The following PCSK5 variants were observed in gnomAD, a reference collection of about 807,000 sequenced individuals.
PCSK5 encodes proprotein convertase subtilisin/kexin type 5.
In PCSK5, 129 loss-of-function variants were observed where a neutral mutation model predicts 233.2. The observed-to-expected ratio is 0.55, with a 90% CI of 0.48 to 0.64. PCSK5 has a LOEUF of 0.64. Ranked by LOEUF, PCSK5 falls within the 30% of genes least tolerant of loss-of-function variation. PCSK5 has a pLI of 0.00. For missense variants in PCSK5, 2,076 were observed against 2,430.1 expected (o/e 0.85, Z 3.06); for synonymous variants, 825 against 879.2 (o/e 0.94, Z 1.09).
At chr9:76,284,530 T>C (rs566313379) in intron 24 of PCSK5, among the ~76,000 whole-genome samples, 2 of 137,592 alleles carry the variant, frequency 1.5e-5, no homozygotes, top group African/African-American at 5.5e-5. Flanking sequence ...TTTTTTTTTT[T>C]TTGTCTTTTT....
intron 3 of PCSK5, among the ~76,000 whole-genome samples, chr9:76,004,953 T>C (rs1326131253): frequency 1.3e-5 from 2 of 152,234 alleles, no homozygotes; most frequent in African/African-American, 2.4e-5. Context: ...TTGGTTCTTA[T>C]GTCCTTTTTC....
intron 24 of PCSK5, among the ~76,000 whole-genome samples, chr9:76,270,272 C>G (rs1352610209): frequency 1.3e-5 from 2 of 151,974 alleles, no homozygotes; most frequent in African/African-American, 4.8e-5. Context: ...TTCCTTTTTT[C>G]CAGCAATATA....
chr9:76,150,435 A>G (rs1351689691), intron 10 of PCSK5, among the ~76,000 whole-genome samples: 1 of 152,148 alleles, frequency 6.6e-6, no homozygotes, highest in African/African-American at 2.4e-5. Flanking sequence ...GGAGTTCGAG[A>G]CCAGCCTGGC....
chr9:76,192,712 G>GAAAC (rs3077114), intron 20 of PCSK5, among the ~76,000 whole-genome samples: 100,470 of 148,116 alleles, frequency 0.68, 33,487 homozygotes, highest in East Asian at 0.92. Context: ...CATAAGCATG[G>GAAAC]AAACAAAACA....
rs759555021 is a variant in PCSK5 at position 76,188,688 on chromosome 9, G to GTTCT, written c.2380+16_2380+19dup. 2.6e-5 allele frequency: 42 copies of GTTCT among 1,598,368 alleles called. No individual in the cohort carries two copies. The African/African-American group carries it at 5.2e-4, about 20-fold the overall frequency. ...GCCACTTGTGCTGGTACCTTCCCTA[G>GTTCT]TTCTTTTGTTTATTCTCCCGGTTCT... is the stretch of plus-strand genomic sequence containing the variant. On this transcript the variant is annotated intron_variant, in intron 18 of 37. Coordinates refer to ENST00000674117, the MANE Select transcript of PCSK5 (RefSeq NM_001372043.1).
In PCSK5 at chr9:76,180,441, G is replaced by C. The variant is rs368038335; in HGVS notation, c.2003+743G>C. ...ACATAGGCCATCAGTGTGGCAAAGG[G>C]GTTGGTCCTGCTTGATCTCACTCTT... On this transcript the variant is annotated intron_variant, in intron 15 of 37. Coordinates refer to ENST00000674117, the MANE Select transcript of PCSK5 (RefSeq NM_001372043.1). Among the ~76,000 whole-genome samples, 6 of 152,228 alleles carry C rather than the reference G, an allele frequency of 3.9e-5. No individual in the cohort carries two copies. In the East Asian group the frequency reaches 5.8e-4, roughly 15 times the overall value.
chr9:76,240,702 G>T lies in PCSK5; in HGVS notation c.3142+18G>T. On this transcript the variant is annotated intron_variant, in intron 24 of 37. Transcript: ENST00000674117. ...CAGCTTGGGTATGTCCTCTTCCTTT[G>T]TCACCTAAAGAGTTGAAATAGCTAA... 6.5e-7 allele frequency: 1 copy of T among 1,539,494 alleles called. No homozygotes were observed. Among genetic ancestry groups the T allele is most frequent in the Non-Finnish European group, 8.9e-7 (1 of 1,127,606 alleles).
chr9:75,913,294 A>G (rs1822830049), intron 1 of PCSK5, among the ~76,000 whole-genome samples: 1 of 152,038 alleles, frequency 6.6e-6, no homozygotes, highest in Admixed American at 6.5e-5. Context: ...TCATTAGCTT[A>G]TTTTCAACCC....
At chr9:76,151,239 C>T (rs1013328999) in intron 10 of PCSK5, among the ~76,000 whole-genome samples, 1 of 152,208 alleles carries the variant, frequency 6.6e-6, no homozygotes, top group South Asian at 2.1e-4. Context: ...AGGACTGCAA[C>T]AGCTGCAGGC....
Position 76,159,150 on chromosome 9 carries a change from G to C in PCSK5, c.1598G>C (p.Arg533Thr). 1.2e-6 allele frequency: 2 copies of C among 1,614,092 alleles called. No homozygotes were observed. The highest frequency in any genetic ancestry group is 1.7e-6 in the Non-Finnish European group (2 of 1,179,992). The part of the protein sequence containing the change: ...AIYLTSPSGT[R>T]SQLLANRLFD... ...TACCTGACCTCGCCCTCTGGAACTAGGTCTCAGCTTTTGGCCAACAGGTAC... is the reference window on the plus strand; with the variant it reads ...TACCTGACCTCGCCCTCTGGAACTACGTCTCAGCTTTTGGCCAACAGGTAC... Residue 533 changes from arginine (R) to threonine (T), a missense_variant, in exon 12 of 38, where the codon AGG becomes ACG. Physicochemically the swap from Arg to Thr is moderately conservative, Grantham distance 71 (BLOSUM62 -1). Transcript: ENST00000674117.
intron 5 of PCSK5, 140 bp downstream of exon 5, chr9:76,027,177 A>C (rs1828462099): frequency 1.7e-6 from 1 of 574,882 alleles, no homozygotes; most frequent in Non-Finnish European, 3.2e-6. Flanking sequence ...GTGTCTTTCC[A>C]CTGAAGCCTC....
rs142999051 is a variant in PCSK5 at position 76,219,919 on chromosome 9, G to A, written c.2627-7584G>A. ...ATTAAAACTTAGATATCGCCTCACCGTGAATGCATCAGACACTGTACTGTT... is the reference window on the plus strand; with the variant it reads ...ATTAAAACTTAGATATCGCCTCACCATGAATGCATCAGACACTGTACTGTT... On this transcript the variant is annotated intron_variant, in intron 20 of 37. Transcript: ENST00000674117. Among the ~76,000 whole-genome samples the A allele has an allele frequency of 7.2e-4, 110 of 152,264 alleles. 1 individual carries two copies. The East Asian group carries it at 0.017, about 23-fold the overall frequency.
chr9:76,295,488 C>T (rs1828411691), intron 26 of PCSK5, 77 bp downstream of exon 26: 3 of 1,318,764 alleles, frequency 2.3e-6, no homozygotes, highest in African/African-American at 2.9e-5. Flanking sequence ...CAGGAGCGCA[C>T]ATGTGATTGG....
chr9:76,046,179 T>TTTTTTTG (rs1829379220), intron 5 of PCSK5, among the ~76,000 whole-genome samples: 1 of 121,764 alleles, frequency 8.2e-6, no homozygotes, highest in African/African-American at 3.2e-5. Context: ...TTTTTTTTTT[T>TTTTTTTG]TTTTTTTTTT....
chr9:76,332,703 T>C, intron 34 of PCSK5, 93 bp downstream of exon 34: 2 of 942,118 alleles, frequency 2.1e-6, no homozygotes, highest in South Asian at 1.7e-5. Context: ...TTCAGAACAC[T>C]TATAAAACCA....
At chr9:76,023,999 T>TAC in intron 4 of PCSK5, 118 bp downstream of exon 4, 1 of 793,690 alleles carries the variant, frequency 1.3e-6, no homozygotes, top group Non-Finnish European at 1.9e-6. Context: ...TAGGGTATTG[T>TAC]GTTTTGCTTC....
chr9:76,122,699 A>G (rs1013848523), intron 9 of PCSK5, among the ~76,000 whole-genome samples: 4 of 152,062 alleles, frequency 2.6e-5, no homozygotes, highest in East Asian at 1.9e-4. Context: ...TGTAGGACAT[A>G]TATTTCAATA....
At chr9:76,055,698 A>C (rs1035793847) in intron 5 of PCSK5, among the ~76,000 whole-genome samples, 2 of 152,182 alleles carry the variant, frequency 1.3e-5, no homozygotes, top group African/African-American at 4.8e-5. Flanking sequence ...AATCTTGGCA[A>C]TTATTCAAAG....
intron 9 of PCSK5, among the ~76,000 whole-genome samples, chr9:76,108,012 A>C (rs1376753309): frequency 1.3e-5 from 2 of 152,236 alleles, no homozygotes; most frequent in Non-Finnish European, 2.9e-5. Flanking sequence ...ATGCCAGGAA[A>C]ACTGAACGTT....
Sources: gnomAD v4.1 joint callset for allele counts (sites outside exome capture counted in the v4.1 genomes callset) on GRCh38, gnomAD v4.1.1 for gene constraint, MANE v1.5 for transcripts, NCBI Gene and HGNC (gene_info 2026-07-23, HGNC 2026-07-21) for gene names.